The following PSMG4 variants were observed in gnomAD, a reference collection of about 807,000 sequenced individuals.
The protein encoded by PSMG4 is proteasome assembly chaperone 4.
A neutral mutation model predicts 11.0 loss-of-function variants in PSMG4; 10 were observed. That is an observed-to-expected ratio of 0.91 (90% CI 0.56 to 1.54). The LOEUF (loss-of-function observed/expected upper bound fraction) is 1.54, where lower values mean the gene tolerates loss of function less well. Among genes scored for constraint, PSMG4 ranks in the 40% most tolerant of loss-of-function variants. The probability of loss-of-function intolerance (pLI) is 0.00; values close to 1 mark genes in which losing one functional copy is unlikely to be tolerated. For missense variants in PSMG4, 198 were observed against 160.9 expected, an observed-to-expected ratio of 1.23 and a Z score of -1.25; for synonymous variants, 95 against 71.3, an observed-to-expected ratio of 1.33 and a Z score of -1.68.
intron 1 of PSMG4, among the ~76,000 whole-genome samples, chr6:3,262,521 T>G (rs4246060): frequency 6.6e-6 from 1 of 151,982 alleles, no homozygotes; most frequent in African/African-American, 2.4e-5. Flanking sequence ...CTGCCTTTTA[T>G]TGTCTTTTGT....
chr6:3,254,970 ATGTGGC>A (rs67473937), upstream of PSMG4: 22,278 of 1,449,114 alleles, frequency 0.015, 1,161 homozygotes, highest in African/African-American at 0.18. Context: ...AGAGCATGTG[ATGTGGC>A]TGTGGATCCC....
intron 1 of PSMG4, among the ~76,000 whole-genome samples, chr6:3,260,291 A>ATATATATATATATATATATATTT: frequency 2.8e-5 from 2 of 70,842 alleles, no homozygotes; most frequent in African/African-American, 1.1e-4. Flanking sequence ...ATATATATAT[A>ATATATATATATATATATATATTT]TTTTTTTTTT....
chr6:3,260,121 A>G (rs1308446906), intron 1 of PSMG4, among the ~76,000 whole-genome samples: 1 of 151,168 alleles, frequency 6.6e-6, no homozygotes, highest in Non-Finnish European at 1.5e-5. Flanking sequence ...GTTTTTTTGT[A>G]GAGATGGGGG....
At chr6:3,255,043 C>A (rs41300843), upstream of PSMG4, 4 of 1,550,244 alleles carry the variant, frequency 2.6e-6, no homozygotes, top group African/African-American at 2.7e-5. Flanking sequence ...TTCTGATTCT[C>A]TGGACAGGAA....
chr6:3,258,166 A>G (rs547677991), upstream of PSMG4, among the ~76,000 whole-genome samples: 1 of 78,506 alleles, frequency 1.3e-5, no homozygotes, highest in South Asian at 3.9e-4. Context: ...CCCCATAGGT[A>G]TGACAATGGG....
intron 2 of PSMG4, chr6:3,264,176 AG>A (rs1758098152): frequency 6.4e-7 from 1 of 1,550,640 alleles, no homozygotes; most frequent in Admixed American, 2.0e-5. Context: ...CTGTGCAGGA[AG>A]GACTGTCCTC....
chr6:3,262,117 G>C lies in PSMG4; in HGVS notation c.175-1567G>C, dbSNP rs538570398. Among the ~76,000 whole-genome samples, 4 of 152,314 alleles carry C rather than the reference G, an allele frequency of 2.6e-5. No individual in the cohort carries two copies. In the East Asian group the frequency reaches 7.7e-4, roughly 29 times the overall value. ...TAGTGACACTGAGTCCTACCAGCTT[G>C]AGGGAAGCTGGCCTGGGACCTGGGC... is the stretch of plus-strand genomic sequence containing the variant. On this transcript the variant is annotated intron_variant, in intron 1 of 2. Transcript: ENST00000438998.
At position 3,264,437 on chromosome 6, in the gene PSMG4, T is replaced by A. The variant is rs13193012; in HGVS notation, c.250+678T>A. The stretch of plus-strand genomic sequence containing the variant: ...GTTCTCCAGTAGGCCCAGCTGCTTC[T>A]GCTCTGGAGTCTTCTCTGTGTCTCA... On this transcript the variant is annotated intron_variant, in intron 2 of 2. Transcript: ENST00000438998. 4.3e-5 allele frequency: 62 copies of A among 1,457,328 alleles called. No individual in the cohort carries two copies. The African/African-American group carries it at 7.8e-4, about 18-fold the overall frequency. 90.3% of individuals were successfully genotyped at this position (1,457,328 alleles called of 1,614,324 possible).
intron 1 of PSMG4, among the ~76,000 whole-genome samples, chr6:3,259,849 C>G (rs1053332477): frequency 1.3e-5 from 2 of 152,214 alleles, no homozygotes; most frequent in African/African-American, 4.8e-5. Flanking sequence ...TCCCGCCTTT[C>G]CGGCTTTGCG....
At chr6:3,265,673 A>G (rs1758155940) in intron 2 of PSMG4, 1 of 152,204 alleles carries the variant, frequency 6.6e-6, no homozygotes. Context: ...ATCACCCTCT[A>G]CATGAGTGGT....
At chr6:3,257,416 T>G (rs1406083971), upstream of PSMG4, among the ~76,000 whole-genome samples, 1 of 152,210 alleles carries the variant, frequency 6.6e-6, no homozygotes, top group Non-Finnish European at 1.5e-5. Flanking sequence ...TTGAGAAATT[T>G]GCCATGCCAG....
Position 3,259,255 on chromosome 6 carries a change from C to T in PSMG4, c.174+59C>T, listed in dbSNP as rs527810564. ...GGGCGGGGGCGCGGGGGCGCCGGGCCTGCGCGAGCTGCAGCCCCCCAGGCT... is the reference window on the plus strand; with the variant it reads ...GGGCGGGGGCGCGGGGGCGCCGGGCTTGCGCGAGCTGCAGCCCCCCAGGCT... On this transcript the variant is annotated intron_variant, in intron 1 of 2. Transcript: ENST00000438998. The T allele has an allele frequency of 1.5e-5, 18 of 1,222,314 alleles. No homozygotes were observed. In the East Asian group the frequency reaches 4.9e-4, roughly 33 times the overall value. 75.7% of individuals were successfully genotyped at this position (1,222,314 alleles called of 1,614,324 possible).
At chr6:3,257,277 T>C (rs955194506), upstream of PSMG4, among the ~76,000 whole-genome samples, 2 of 152,144 alleles carry the variant, frequency 1.3e-5, no homozygotes, top group Non-Finnish European at 2.9e-5. Context: ...GGGCCGCTGA[T>C]GTTGGGCATG....
intron 1 of PSMG4, 96 bp downstream of exon 1, chr6:3,259,292 C>T (rs1757877805): frequency 1.6e-5 from 18 of 1,109,912 alleles, no homozygotes; most frequent in Admixed American, 4.3e-5. Flanking sequence ...CTCTTGGGTC[C>T]ACAGGGCGCC....
upstream of PSMG4, among the ~76,000 whole-genome samples, chr6:3,257,533 A>G (rs1197788438): frequency 1.3e-5 from 2 of 152,212 alleles, no homozygotes; most frequent in African/African-American, 4.8e-5. Context: ...TAAAACAATT[A>G]TGGTGTAGCC....
intron 1 of PSMG4, among the ~76,000 whole-genome samples, chr6:3,259,640 G>T (rs1757898703): frequency 6.6e-6 from 1 of 152,234 alleles, no homozygotes; most frequent in African/African-American, 2.4e-5. Context: ...TCCTCCGCCT[G>T]ACTGGCGCTG....
chr6:3,254,832 A>G (rs1757692380), upstream of PSMG4, among the ~76,000 whole-genome samples: 1 of 152,126 alleles, frequency 6.6e-6, no homozygotes. Context: ...ACACAGTGGG[A>G]CCTTAGAAAA....
At chr6:3,257,725 G>GT (rs1757813193), upstream of PSMG4, among the ~76,000 whole-genome samples, 1 of 152,094 alleles carries the variant, frequency 6.6e-6, no homozygotes, top group Non-Finnish European at 1.5e-5. Flanking sequence ...CAGATCAGTG[G>GT]TTGGGGGCAG....
chr6:3,264,277 G>A, intron 2 of PSMG4: 2 of 1,551,438 alleles, frequency 1.3e-6, no homozygotes, highest in African/African-American at 1.4e-5. Context: ...AGGTCATGAG[G>A]CTGAATGCTC....
Sources: allele counts gnomAD v4.1 joint callset (sites outside exome capture counted in the v4.1 genomes callset), GRCh38; gene constraint gnomAD v4.1.1; transcripts MANE v1.5; gene names NCBI Gene and HGNC (gene_info 2026-07-23, HGNC 2026-07-21).